DSG2: variants seen among roughly 807,000 people sequenced by gnomAD.
DSG2 encodes the protein desmoglein 2, also known as desmoglein-2.
In DSG2, 45 loss-of-function variants were observed where a neutral mutation model predicts 75.6. The observed-to-expected ratio is 0.60, with a 90% confidence interval of 0.47 to 0.76. The LOEUF (loss-of-function observed/expected upper bound fraction) is 0.76, where lower values mean the gene tolerates loss of function less well. Among genes scored for constraint, DSG2 ranks in the 30% least tolerant of loss-of-function variants. The probability of loss-of-function intolerance (pLI) is 0.00; values close to 1 mark genes in which losing one functional copy is unlikely to be tolerated. For missense variants in DSG2, 1,267 were observed against 1,357.4 expected, an observed-to-expected ratio of 0.93 and a Z score of 1.05; for synonymous variants, 429 against 483.9, an observed-to-expected ratio of 0.89 and a Z score of 1.49.
chr18:31,547,262 G>A lies in DSG2; in HGVS notation c.*519G>A, dbSNP rs1289086219. On this transcript the variant is annotated 3_prime_UTR_variant, in exon 15 of 15. Transcript: ENST00000261590. ...GGTGCTCATAACTTCTTTAAGACTTGAACCCTTTCAATCTGTGTGATTCAT... is the reference window on the plus strand; with the variant it reads ...GGTGCTCATAACTTCTTTAAGACTTAAACCCTTTCAATCTGTGTGATTCAT... 4.5e-6 allele frequency: 1 copy of A among 220,530 alleles called. No individual in the cohort carries two copies. The highest frequency in any genetic ancestry group is 9.0e-6 in the Non-Finnish European group (1 of 110,586). 13.7% of individuals were successfully genotyped at this position (220,530 alleles called of 1,614,324 possible).
intron 8 of DSG2, among the ~76,000 whole-genome samples, chr18:31,525,313 C>T (rs1008968572): frequency 1.5e-4 from 23 of 152,172 alleles, no homozygotes; most frequent in Admixed American, 1.0e-3. Context: ...CTCAGGAGTT[C>T]GAGACCAGCC....
intron 1 of DSG2, among the ~76,000 whole-genome samples, chr18:31,516,169 AATAT>A (rs1411023384): frequency 1.7e-4 from 26 of 152,290 alleles, no homozygotes; most frequent in African/African-American, 6.3e-4. Context: ...GGAAAACCTA[AATAT>A]ATTTGGTTTG....
intron 1 of DSG2, among the ~76,000 whole-genome samples, chr18:31,512,973 T>C (rs1423847710): frequency 6.6e-6 from 1 of 152,232 alleles, no homozygotes; most frequent in African/African-American, 2.4e-5. Flanking sequence ...ATAAGGACCA[T>C]GCAAAACTTA....
chr18:31,542,500 A>C lies in DSG2; in HGVS notation c.2002-20A>C. On this transcript the variant is annotated intron_variant, in intron 13 of 14. Coordinates refer to ENST00000261590, the MANE Select transcript of DSG2 (RefSeq NM_001943.5). ...CCTCCATCCTCCTGACTCAGTTCTC[A>C]GCTGTGTTTGCTCTCACAGGTGGTG... 1.2e-6 allele frequency: 2 copies of C among 1,612,958 alleles called. No individual in the cohort carries two copies. Among genetic ancestry groups the C allele is most frequent in the Non-Finnish European group, 1.7e-6 (2 of 1,179,588 alleles).
intron 2 of DSG2, among the ~76,000 whole-genome samples, 158 bp downstream of exon 2, chr18:31,518,432 A>G (rs201825514): frequency 1.3e-5 from 2 of 152,194 alleles, no homozygotes; most frequent in East Asian, 3.8e-4. Context: ...AGGGGTATTC[A>G]GTGCAGCAGT....
intron 8 of DSG2, among the ~76,000 whole-genome samples, chr18:31,530,603 C>T (rs969469172): frequency 2.6e-5 from 4 of 151,944 alleles, no homozygotes; most frequent in African/African-American, 9.7e-5. Context: ...TTTTTTTGTA[C>T]AGATGGGAAC....
chr18:31,517,772 G>A (rs537347369), intron 1 of DSG2, among the ~76,000 whole-genome samples: 1 of 152,210 alleles, frequency 6.6e-6, no homozygotes, highest in Admixed American at 6.5e-5. Context: ...CGAGAAGTCA[G>A]AACATGGGCT....
intron 3 of DSG2, among the ~76,000 whole-genome samples, chr18:31,520,246 G>A (rs907940613): frequency 6.6e-6 from 1 of 152,172 alleles, no homozygotes; most frequent in African/African-American, 2.4e-5. Flanking sequence ...AAAAGAGGAT[G>A]TCATAAAATG....
intron 1 of DSG2, among the ~76,000 whole-genome samples, chr18:31,499,160 G>A (rs1174362843): frequency 6.6e-6 from 1 of 152,056 alleles, no homozygotes; most frequent in African/African-American, 2.4e-5. Flanking sequence ...TAAAGTGACA[G>A]TTATGCTGCA....
chr18:31,532,624 T>C (rs1357365085), intron 9 of DSG2, among the ~76,000 whole-genome samples: 1 of 152,176 alleles, frequency 6.6e-6, no homozygotes, highest in Admixed American at 6.5e-5. Context: ...AACAAACAGC[T>C]TCCACCATAT....
chr18:31,522,908 A>G (rs1310239839), intron 6 of DSG2, among the ~76,000 whole-genome samples: 1 of 152,202 alleles, frequency 6.6e-6, no homozygotes, highest in Admixed American at 6.5e-5. Context: ...CTAGGAAGGC[A>G]TTTCTCTCGA....
At chr18:31,501,677 G>T (rs1452129425) in intron 1 of DSG2, among the ~76,000 whole-genome samples, 1 of 152,096 alleles carries the variant, frequency 6.6e-6, no homozygotes, top group Non-Finnish European at 1.5e-5. Flanking sequence ...TTCCCTCTGT[G>T]CATGTCTGTG....
intron 8 of DSG2, among the ~76,000 whole-genome samples, chr18:31,527,104 A>G (rs1212416515): frequency 2.0e-5 from 3 of 152,178 alleles, no homozygotes; most frequent in Non-Finnish European, 4.4e-5. Context: ...TGAGTGCTCT[A>G]TACAGCTGTA....
In DSG2 at chr18:31,522,176, C is replaced by A. The variant is rs766519225; in HGVS notation, c.617C>A (p.Ala206Asp). The A allele has an allele frequency of 6.2e-7, 1 of 1,613,354 alleles. No homozygotes were observed. Among genetic ancestry groups the A allele is most frequent in the East Asian group, 2.2e-5 (1 of 44,834 alleles). The change falls in exon 6 of 15, where the codon GCT (alanine) becomes GAT (aspartate). Residue 206 changes from alanine to aspartate, a missense_variant. Transcript: ENST00000261590. ...TATAGAATCGTATCTCTGGAGCCTG[C>A]TTATCCTCCAGTGTTCTACCTAAAT... is the stretch of plus-strand genomic sequence containing the variant. ...ISYRIVSLEP[A>D]YPPVFYLNKD... is the part of the protein sequence containing the mutation.
intron 6 of DSG2, 49 bp from the exon 7 acceptor site, chr18:31,524,399 G>A (rs372158763): frequency 5.2e-5 from 84 of 1,613,614 alleles, no homozygotes; most frequent in Non-Finnish European, 7.0e-5. Context: ...AAAGCCAGAT[G>A]TAAGAGTGAC....
intron 1 of DSG2, among the ~76,000 whole-genome samples, chr18:31,498,901 A>G (rs1166577406): frequency 1.3e-5 from 2 of 152,200 alleles, no homozygotes; most frequent in African/African-American, 2.4e-5. Flanking sequence ...TGGTGTTTCA[A>G]AAGTTTTCCA....
At chr18:31,542,953 C>T in intron 14 of DSG2, 101 bp downstream of exon 14, 5 of 917,852 alleles carry the variant, frequency 5.4e-6, no homozygotes, top group South Asian at 2.3e-5. Context: ...CCAAATGAGA[C>T]TTTGGGTTTT....
In DSG2 at chr18:31,500,554, AG is replaced by A. The variant is rs2144281816; in HGVS notation, c.45+2260del. Among the ~76,000 whole-genome samples, 3 of 152,288 alleles carry A rather than the reference AG, an allele frequency of 2.0e-5. No individual in the cohort carries two copies. The South Asian group carries it at 6.2e-4, about 32-fold the overall frequency. ...CTCCATACGTCCATATCTGCTTGCCAGGAGGCACAGAGCTCTGTTTCACTTC... is the reference window on the plus strand; with the variant it reads ...CTCCATACGTCCATATCTGCTTGCCAGAGGCACAGAGCTCTGTTTCACTTC... On this transcript the variant is annotated intron_variant, in intron 1 of 14. Transcript: ENST00000261590.
At position 31,546,652 on chromosome 18, in the gene DSG2, G is replaced by A. The variant is rs200264407; in HGVS notation, c.3266G>A (p.Gly1089Asp). 115 of 1,614,020 alleles carry A rather than the reference G, an allele frequency of 7.1e-5. No homozygotes were observed. The African/African-American group carries it at 1.4e-3, about 20-fold the overall frequency. ...GTCCCTGGCCCTCTGCCAGATTTTG[G>A]TTTAGAGGAATCTGGTCATTCTAAT... ...AGVPGPLPDF[G>D]LEESGHSNST... The change falls in exon 15 of 15, where the codon GGT becomes GAT. Residue 1089 changes from glycine to aspartate, a missense_variant. Transcript: ENST00000261590.
Sources: allele counts gnomAD v4.1 joint callset (sites outside exome capture counted in the v4.1 genomes callset), GRCh38; gene constraint gnomAD v4.1.1; transcripts MANE v1.5; gene names NCBI Gene and HGNC (gene_info 2026-07-23, HGNC 2026-07-21).